The following GK variants were observed in gnomAD, a reference collection of about 807,000 sequenced individuals.
The protein encoded by GK is ATP:glycerol 3-phosphotransferase.
In GK, 9 loss-of-function variants were observed where a neutral mutation model predicts 56.4. The ratio of observed to expected loss-of-function variants is 0.16; its 90% confidence interval spans 0.10 to 0.28. The LOEUF is 0.28. Among genes scored for constraint, GK ranks in the 10% least tolerant of loss-of-function variants. The pLI, the probability that GK is intolerant of heterozygous loss-of-function variation, is 1.00. For synonymous variants in GK, 104 were observed against 144.1 expected (o/e 0.72, Z 1.99); for missense variants, 161 against 431.4 (o/e 0.37, Z 5.55).
intron 13 of GK, 94 bp from the exon 14 acceptor site, chrX:30,718,444 T>G: frequency 3.5e-6 from 2 of 571,524 alleles, no homozygotes; most frequent in South Asian, 4.9e-5. Context: ...AACTGAATTC[T>G]GTCCATCTGA....
chrX:30,694,323 T>G, intron 5 of GK, 77 bp from the exon 6 acceptor site: 12 of 893,614 alleles, frequency 1.3e-5, no homozygotes, highest in East Asian at 3.1e-5. Flanking sequence ...TGTGATTTGT[T>G]GAGTTCTTTT....
intron 18 of GK, chrX:30,723,591 C>A (rs1301304342): frequency 5.6e-5 from 8 of 143,940 alleles, no homozygotes; most frequent in Non-Finnish European, 1.1e-4. Flanking sequence ...CTTTACCCTG[C>A]TGAATTTCCC....
intron 1 of GK, among the ~76,000 whole-genome samples, chrX:30,654,610 T>A (rs188028450): frequency 9.1e-6 from 1 of 110,326 alleles, no homozygotes; most frequent in East Asian, 2.8e-4. Context: ...GTAATCCTAC[T>A]TACCCGGGAG....
intron 8 of GK, among the ~76,000 whole-genome samples, chrX:30,697,064 C>T (rs1935285245): frequency 8.9e-6 from 1 of 112,592 alleles, no homozygotes; most frequent in East Asian, 2.8e-4. Flanking sequence ...TTTTTATGGC[C>T]AAGCTATGTT....
intron 1 of GK, among the ~76,000 whole-genome samples, chrX:30,662,737 CCTT>C (rs1452395932): frequency 2.1e-5 from 2 of 94,962 alleles, no homozygotes; most frequent in African/African-American, 8.0e-5. Flanking sequence ...TTCTTTCTTT[CCTT>C]CTTTCTTTCC....
At chrX:30,724,266 G>T (rs1437115454) in intron 19 of GK, 85 bp downstream of exon 19, 1 of 587,782 alleles carries the variant, frequency 1.7e-6, no homozygotes, top group Non-Finnish European at 2.9e-6. Context: ...CACATAGCCA[G>T]GCTGCTCTGA....
chrX:30,707,749 G>A (rs1038431918), intron 12 of GK, 151 bp downstream of exon 12: 8 of 446,743 alleles, frequency 1.8e-5, no homozygotes, highest in South Asian at 7.7e-5. Context: ...AATTTGAATC[G>A]TTCTAATAAG....
At chrX:30,658,969 A>G (rs943514244) in intron 1 of GK, among the ~76,000 whole-genome samples, 23 of 112,864 alleles carry the variant, frequency 2.0e-4, no homozygotes, top group African/African-American at 7.4e-4. Flanking sequence ...AGTCAAAATC[A>G]GAAACTATAG....
Position 30,720,919 on chromosome X carries a change from C to T in GK, c.1425C>T (p.Val475=). ...TGGCGGCAGGGGCTGCAGAAGGAGT[C>T]GGCGTATGGAGTCTCGAACCCGAGG... ...AAMAAGAAEG[V]GVWSLEPEDL... is the part of the protein sequence containing the mutation. Residue 475 remains valine (V), a synonymous_variant, in exon 18 of 21, where the codon GTC becomes GTT. Transcript: ENST00000427190. 2 of 1,210,738 alleles carry T rather than the reference C, an allele frequency of 1.7e-6. No homozygotes were observed. Among genetic ancestry groups the T allele is most frequent in the Middle Eastern group, 2.3e-4 (1 of 4,347 alleles).
At chrX:30,663,712 A>G (rs1441623828) in intron 1 of GK, among the ~76,000 whole-genome samples, 1 of 109,158 alleles carries the variant, frequency 9.2e-6, no homozygotes, top group Non-Finnish European at 1.9e-5. Context: ...AACGCTTTTT[A>G]TTTTCTTAGT....
At chrX:30,668,247 A>C in intron 3 of GK, 129 bp downstream of exon 3, 2 of 479,369 alleles carry the variant, frequency 4.2e-6, no homozygotes, top group Middle Eastern at 3.4e-4. Context: ...AGGATACAAC[A>C]CTAAAGAGGA....
chrX:30,700,281 G>T, intron 9 of GK, 133 bp from the exon 10 acceptor site: 1 of 462,927 alleles, frequency 2.2e-6, no homozygotes, highest in Non-Finnish European at 3.8e-6. Flanking sequence ...CATTCATTTA[G>T]TTGAAATGCT....
At chrX:30,663,938 G>GTATATATATAGATATCTATATATTA (rs1932864387) in intron 1 of GK, among the ~76,000 whole-genome samples, 1 of 88,380 alleles carries the variant, frequency 1.1e-5, no homozygotes, top group Non-Finnish European at 2.2e-5. Context: ...CTCTCTCTCT[G>GTATATATATAGATATCTATATATTA]TATATATATA....
In GK at chrX:30,723,562, A is replaced by G. The variant is rs189305183; in HGVS notation, c.1502-539A>G. ...GAGTGGCCCAGTCTGCATAGCAGGC[A>G]GTCTGTCTGCCAATCTCCCTTTACC... On this transcript the variant is annotated intron_variant, in intron 18 of 20. Transcript: ENST00000427190. 9.4e-4 allele frequency: 125 copies of G among 132,464 alleles called. 1 individual carries two copies. Among genetic ancestry groups the G allele is most frequent in the African/African-American group, 3.8e-3 (119 of 31,217 alleles). 10.9% of individuals were successfully genotyped at this position (132,464 alleles called of 1,213,427 possible).
At chrX:30,659,552 T>A (rs1202427619) in intron 1 of GK, among the ~76,000 whole-genome samples, 2 of 111,352 alleles carry the variant, frequency 1.8e-5, no homozygotes, top group African/African-American at 3.3e-5. Flanking sequence ...TAGTGTGTCA[T>A]AAAAGAGTAG....
chrX:30,723,611 T>TTTTGTTTG (rs201175614), intron 18 of GK: 4 of 150,734 alleles, frequency 2.7e-5, no homozygotes, highest in Non-Finnish European at 3.8e-5. Flanking sequence ...CCTATCCTGT[T>TTTTGTTTG]TTTGTTTGTT....
chrX:30,694,280 C>A, intron 5 of GK, 120 bp from the exon 6 acceptor site: 2 of 620,767 alleles, frequency 3.2e-6, no homozygotes, highest in Non-Finnish European at 5.5e-6. Context: ...ATTCATAATA[C>A]TATGGGATTG....
At chrX:30,723,002 T>A (rs1404090707) in intron 18 of GK, among the ~76,000 whole-genome samples, 2 of 111,922 alleles carry the variant, frequency 1.8e-5, no homozygotes, top group African/African-American at 6.5e-5. Context: ...TAAAAAATCT[T>A]GCTTTAAGAT....
chrX:30,720,905 G>T lies in GK; in HGVS notation c.1411G>T (p.Ala471Ser). The change falls in exon 18 of 21, where the codon GCT (alanine) becomes TCT (serine). Residue 471 changes from alanine to serine, a missense_variant. By Grantham distance (99) the Ala-to-Ser change is moderately conservative. Transcript: ENST00000427190. ...ACTGGGTGCGGCTATGGCGGCAGGG[G>T]CTGCAGAAGGAGTCGGCGTATGGAG... is the stretch of plus-strand genomic sequence containing the variant. ...TALGAAMAAG[A>S]AEGVGVWSLE... is the part of the protein sequence containing the mutation. The T allele has an allele frequency of 8.3e-7, 1 of 1,211,458 alleles. No homozygotes were observed. Among genetic ancestry groups the T allele is most frequent in the Non-Finnish European group, 1.1e-6 (1 of 894,996 alleles).
Sources: gnomAD v4.1 joint callset for allele counts (sites outside exome capture counted in the v4.1 genomes callset) on GRCh38, gnomAD v4.1.1 for gene constraint, MANE v1.5 for transcripts, NCBI Gene and HGNC (gene_info 2026-07-23, HGNC 2026-07-21) for gene names.